Variants in USP37 observed in about 807,000 individuals in gnomAD.
The protein encoded by USP37 is ubiquitin specific peptidase 37, also known as ubiquitin carboxyl-terminal hydrolase 37.
USP37 carries 27 observed loss-of-function variants against 124.0 expected under a neutral mutation model. That is an observed-to-expected ratio of 0.22 (90% confidence interval 0.16 to 0.30). The LOEUF (loss-of-function observed/expected upper bound fraction) is 0.30, where lower values mean the gene tolerates loss of function less well. Among genes scored for constraint, USP37 ranks in the 10% least tolerant of loss-of-function variants. The pLI is 1.00. For missense variants in USP37, 889 were observed against 1,140.4 expected, an observed-to-expected ratio of 0.78 and a Z score of 3.17; for synonymous variants, 365 against 388.0, an observed-to-expected ratio of 0.94 and a Z score of 0.70.
intron 8 of USP37, among the ~76,000 whole-genome samples, chr2:218,543,914 A>G (rs967509717): frequency 1.3e-5 from 2 of 152,232 alleles, no homozygotes; most frequent in African/African-American, 4.8e-5. Flanking sequence ...AAAAATATCC[A>G]ATTGCTTTTG....
intron 4 of USP37, among the ~76,000 whole-genome samples, chr2:218,557,168 C>T: frequency 6.6e-6 from 1 of 152,188 alleles, no homozygotes. Context: ...TGCGCCCAGC[C>T]ATCCCTTAGC....
At chr2:218,507,822 C>A (rs1431748179) in intron 11 of USP37, among the ~76,000 whole-genome samples, 1 of 152,116 alleles carries the variant, frequency 6.6e-6, no homozygotes, top group Non-Finnish European at 1.5e-5. Context: ...AGTAATGATT[C>A]TTTGAGGCTG....
chr2:218,486,280 A>C (rs1691554263), intron 15 of USP37: 1 of 152,344 alleles, frequency 6.6e-6, no homozygotes, highest in Non-Finnish European at 1.5e-5. Flanking sequence ...GAAATCCTTA[A>C]AAAATGGGGG....
intron 4 of USP37, among the ~76,000 whole-genome samples, chr2:218,555,081 C>T (rs976747717): frequency 3.9e-5 from 6 of 152,090 alleles, no homozygotes; most frequent in African/African-American, 7.2e-5. Flanking sequence ...TGCTATGAAG[C>T]GATAACTTTT....
At position 218,527,611 on chromosome 2, in the gene USP37, T is replaced by C. The variant is rs116169301; in HGVS notation, c.863+2345A>G. On this transcript the variant is annotated intron_variant, in intron 10 of 25. Transcript: ENST00000258399. The stretch of plus-strand genomic sequence containing the variant: ...AGATTTCTTTCCTCAATCATTCCTA[T>C]ATGGAATGAATATGTCCATTCTATT... 3.2e-3 allele frequency among the ~76,000 whole-genome samples: 488 copies of C among 152,320 alleles called. 1 individual carries two copies. Among genetic ancestry groups the C allele is most frequent in the African/African-American group, 0.011 (469 of 41,574 alleles).
chr2:218,544,406 A>AAAAATATATATATAT (rs1312705279), intron 8 of USP37, among the ~76,000 whole-genome samples: 1 of 82,992 alleles, frequency 1.2e-5, no homozygotes, highest in African/African-American at 6.9e-5. Context: ...AAAAAAAAAA[A>AAAAATATATATATAT]ATATATATAT....
chr2:218,494,116 G>A (rs1324249053), intron 14 of USP37, among the ~76,000 whole-genome samples: 1 of 152,174 alleles, frequency 6.6e-6, no homozygotes, highest in South Asian at 2.1e-4. Context: ...CCACCAGGGG[G>A]AAAAGTCTGA....
intron 15 of USP37, among the ~76,000 whole-genome samples, chr2:218,487,207 T>C (rs1691621764): frequency 6.6e-6 from 1 of 152,154 alleles, no homozygotes; most frequent in Non-Finnish European, 1.5e-5. Context: ...TAACGGTATA[T>C]CACAGACACA....
chr2:218,469,907 G>C (rs1433194928), intron 20 of USP37, among the ~76,000 whole-genome samples: 2 of 139,200 alleles, frequency 1.4e-5, no homozygotes, highest in Non-Finnish European at 3.0e-5. Context: ...TGCAACCTCT[G>C]CCTCCCGGGT....
At chr2:218,470,520 C>T (rs1690621625) in intron 20 of USP37, among the ~76,000 whole-genome samples, 2 of 152,188 alleles carry the variant, frequency 1.3e-5, no homozygotes. Flanking sequence ...TATCCAATAA[C>T]TTCCTAATGC....
At position 218,474,616 on chromosome 2, in the gene USP37, T is replaced by G. The variant is rs1367670059; in HGVS notation, c.2299+14A>C. Reference sequence around the variant, plus strand: ...TGTTTTGTTTCACAGAGGTTTAATCTTCATTAAACCTACCCAGCTCTGTGA... The same window carrying G: ...TGTTTTGTTTCACAGAGGTTTAATCGTCATTAAACCTACCCAGCTCTGTGA... On this transcript the variant is annotated intron_variant, in intron 20 of 25. Transcript: ENST00000258399. The G allele has an allele frequency of 6.2e-7, 1 of 1,612,052 alleles. No individual in the cohort carries two copies. The highest frequency in any genetic ancestry group is 1.3e-5 in the African/African-American group (1 of 74,666).
chr2:218,559,161 A>G (rs565842032), intron 3 of USP37, among the ~76,000 whole-genome samples: 7 of 152,176 alleles, frequency 4.6e-5, no homozygotes, highest in African/African-American at 1.4e-4. Context: ...CTGAAAAAAC[A>G]TTAGCCAGGC....
At chr2:218,458,348 G>A (rs1689823824) in intron 23 of USP37, among the ~76,000 whole-genome samples, 1 of 151,230 alleles carries the variant, frequency 6.6e-6, no homozygotes, top group Non-Finnish European at 1.5e-5. Context: ...GAGATGGGTG[G>A]ATCCCTCAAG....
intron 11 of USP37, among the ~76,000 whole-genome samples, chr2:218,503,165 C>T (rs899455029): frequency 2.0e-5 from 3 of 151,976 alleles, no homozygotes; most frequent in African/African-American, 4.8e-5. Context: ...AATGTTAAAG[C>T]GACATTCTTC....
At position 218,450,457 on chromosome 2, in the gene USP37, T is replaced by C. The variant is rs1357143863; in HGVS notation, c.*4473A>G. On this transcript the variant is annotated 3_prime_UTR_variant, in exon 26 of 26. Coordinates refer to ENST00000258399, the MANE Select transcript of USP37 (RefSeq NM_020935.3). ...AGAAAAAAAATCATCTCACAAATAA[T>C]GTGGCCACAGCTGCCAGAAAACCTG... is the stretch of plus-strand genomic sequence containing the variant. 3 of 152,598 alleles carry C rather than the reference T, an allele frequency of 2.0e-5. No individual in the cohort carries two copies. The highest frequency in any genetic ancestry group is 7.2e-5 in the African/African-American group (3 of 41,436). The allele number at this position is 152,598 out of a possible 1,614,324, so 9.5% of individuals were successfully genotyped here. A position where few individuals can be genotyped will look rare whatever the true frequency, so the allele number is the denominator to read the frequency against.
intron 16 of USP37, among the ~76,000 whole-genome samples, chr2:218,484,402 A>AC (rs575101431): frequency 2.6e-4 from 40 of 152,058 alleles, no homozygotes; most frequent in Non-Finnish European, 5.1e-4. Context: ...CAGGTGGATC[A>AC]CCTGAGGTCA....
At chr2:218,497,232 G>A (rs967408954) in intron 13 of USP37, among the ~76,000 whole-genome samples, 4 of 151,434 alleles carry the variant, frequency 2.6e-5, no homozygotes, top group African/African-American at 4.9e-5. Context: ...CACCATGCCC[G>A]GCTAATTTTT....
intron 15 of USP37, among the ~76,000 whole-genome samples, chr2:218,487,064 C>T (rs1691611207): frequency 6.6e-6 from 1 of 151,960 alleles, no homozygotes; most frequent in South Asian, 2.1e-4. Flanking sequence ...ACAATCCTGC[C>T]AATTTGCTAC....
chr2:218,491,428 A>G (rs1199440895), intron 14 of USP37, among the ~76,000 whole-genome samples: 3 of 152,166 alleles, frequency 2.0e-5, no homozygotes, highest in Non-Finnish European at 4.4e-5. Flanking sequence ...GAGATAGAAG[A>G]GGAACCTGGG....
Sources: allele counts gnomAD v4.1 joint callset (sites outside exome capture counted in the v4.1 genomes callset), GRCh38; gene constraint gnomAD v4.1.1; transcripts MANE v1.5; gene names NCBI Gene and HGNC (gene_info 2026-07-23, HGNC 2026-07-21).